Variants in IL6ST observed in about 807,000 individuals in gnomAD.
IL6ST encodes the protein interleukin 6 cytokine family signal transducer.
IL6ST carries 24 observed loss-of-function variants against 91.3 expected under a neutral mutation model. The observed-to-expected ratio is 0.26, with a 90% CI of 0.19 to 0.37. The LOEUF (loss-of-function observed/expected upper bound fraction) is 0.37, where lower values mean the gene tolerates loss of function less well. IL6ST is among the 10% of genes least tolerant of loss of function. The pLI, the probability that IL6ST is intolerant of heterozygous loss-of-function variation, is 1.00. For missense variants in IL6ST, 914 were observed against 1,078.5 expected (o/e 0.85, Z 2.14); for synonymous variants, 351 against 373.6 (o/e 0.94, Z 0.70).
chr5:55,938,913 T>C lies in IL6ST; in HGVS notation c.*2169A>G, dbSNP rs781029945. Reference sequence around the variant, plus strand: ...GGGGGTATATTCACTCACTGTACCATGTTTTATACAGGCTTCAACATGCAA... The same window carrying C: ...GGGGGTATATTCACTCACTGTACCACGTTTTATACAGGCTTCAACATGCAA... On this transcript the variant is annotated 3_prime_UTR_variant, in exon 17 of 17. Coordinates refer to ENST00000381298, the MANE Select transcript of IL6ST (RefSeq NM_002184.4). The C allele has an allele frequency of 1.5e-5, 3 of 203,486 alleles. No individual in the cohort carries two copies. Among genetic ancestry groups the C allele is most frequent in the Non-Finnish European group, 3.0e-5 (3 of 99,130 alleles). The allele number at this position is 203,486 out of a possible 1,614,324, so 12.6% of individuals were successfully genotyped here. A position where few individuals can be genotyped will look rare whatever the true frequency, so the allele number is the denominator to read the frequency against.
intron 3 of IL6ST, among the ~76,000 whole-genome samples, chr5:55,970,223 G>A (rs1230386339): frequency 1.3e-5 from 2 of 152,140 alleles, no homozygotes; most frequent in Admixed American, 6.6e-5. Flanking sequence ...CCAGAAAACA[G>A]GCAGTGGTGG....
At position 55,951,665 on chromosome 5, in the gene IL6ST, T is replaced by G. The variant is rs184737174; in HGVS notation, c.1700-61A>C. 4.5e-5 allele frequency: 67 copies of G among 1,489,488 alleles called. No homozygotes were observed. In the Admixed American group the frequency reaches 5.5e-4, roughly 12 times the overall value. The allele number at this position is 1,489,488 out of a possible 1,614,324, so 92.3% of individuals were successfully genotyped here. On this transcript the variant is annotated intron_variant, in intron 13 of 16. Coordinates refer to ENST00000381298, the MANE Select transcript of IL6ST (RefSeq NM_002184.4). ...TCAATGCTTTTGCTTATTTGGCCTA[T>G]ATTTGGCATTGTGAAAGTGTTAAAA...
chr5:55,983,455 T>C (rs1753780611), intron 1 of IL6ST, among the ~76,000 whole-genome samples: 1 of 152,334 alleles, frequency 6.6e-6, no homozygotes, highest in South Asian at 2.1e-4. Flanking sequence ...AAATTAAGCC[T>C]GCTAACAACT....
Position 55,958,541 on chromosome 5 carries a change from A to C in IL6ST, c.974-1250T>G, listed in dbSNP as rs116379575. Among the ~76,000 whole-genome samples, 480 of 152,254 alleles carry C rather than the reference A, an allele frequency of 3.2e-3. 6 individuals carry two copies. Among genetic ancestry groups the C allele is most frequent in the African/African-American group, 0.011 (465 of 41,562 alleles). Reference sequence around the variant, plus strand: ...AGTAGAATAAGACAGGAGTTGAATAAAATCTAAGCAGTAAGGCTGGGTGTG... The same window carrying C: ...AGTAGAATAAGACAGGAGTTGAATACAATCTAAGCAGTAAGGCTGGGTGTG... On this transcript the variant is annotated intron_variant, in intron 8 of 16. Coordinates refer to ENST00000381298, the MANE Select transcript of IL6ST (RefSeq NM_002184.4).
At chr5:55,947,754 C>G (rs1426867202) in intron 14 of IL6ST, among the ~76,000 whole-genome samples, 165 bp from the exon 15 acceptor site, 1 of 152,136 alleles carries the variant, frequency 6.6e-6, no homozygotes, top group Non-Finnish European at 1.5e-5. Flanking sequence ...GATTTTTACC[C>G]TCTTCTCTCT....
intron 8 of IL6ST, among the ~76,000 whole-genome samples, chr5:55,957,564 C>A (rs1339556171): frequency 6.6e-6 from 1 of 152,146 alleles, no homozygotes; most frequent in African/African-American, 2.4e-5. Context: ...AGAGGCATCA[C>A]TCTTTCTTAT....
chr5:55,939,269 C>A lies in IL6ST; in HGVS notation c.*1813G>T, dbSNP rs1750732236. Reference sequence around the variant, plus strand: ...CTTTACTTCTCTGTGCCTGATTTTCCTCATCTACTTTGAATTCGTCATTCT... The same window carrying A: ...CTTTACTTCTCTGTGCCTGATTTTCATCATCTACTTTGAATTCGTCATTCT... On this transcript the variant is annotated 3_prime_UTR_variant, in exon 17 of 17. Transcript: ENST00000381298. 1 of 211,504 alleles carries A rather than the reference C, an allele frequency of 4.7e-6. No homozygotes were observed. Among genetic ancestry groups the A allele is most frequent in the East Asian group, 7.1e-5 (1 of 14,090 alleles). 13.1% of individuals were successfully genotyped at this position (211,504 alleles called of 1,614,324 possible).
chr5:55,981,220 G>C (rs1198095535), intron 2 of IL6ST, among the ~76,000 whole-genome samples: 1 of 152,286 alleles, frequency 6.6e-6, no homozygotes, highest in East Asian at 1.9e-4. Context: ...GATTGTAATG[G>C]AGAGGTGATG....
chr5:55,981,225 G>A (rs1458406397), intron 2 of IL6ST, among the ~76,000 whole-genome samples: 1 of 152,184 alleles, frequency 6.6e-6, no homozygotes, highest in African/African-American at 2.4e-5. Context: ...TAATGGAGAG[G>A]TGATGAAGAA....
intron 11 of IL6ST, among the ~76,000 whole-genome samples, chr5:55,953,705 T>C (rs941561022): frequency 4.6e-5 from 7 of 152,226 alleles, no homozygotes; most frequent in Non-Finnish European, 8.8e-5. Flanking sequence ...AAAGTTTCTA[T>C]TGGCTCTGAG....
intron 15 of IL6ST, among the ~76,000 whole-genome samples, chr5:55,945,984 T>C (rs567894390): frequency 1.0e-3 from 158 of 152,258 alleles, no homozygotes; most frequent in African/African-American, 3.6e-3. Flanking sequence ...AAGCACAGAC[T>C]GGGACAAAAG....
At chr5:55,952,142 A>G in intron 12 of IL6ST, 67 bp from the exon 13 acceptor site, 1 of 1,537,848 alleles carries the variant, frequency 6.5e-7, no homozygotes, top group Non-Finnish European at 8.9e-7. Flanking sequence ...TCCTTGTCAT[A>G]AAATCATTTG....
intron 16 of IL6ST, among the ~76,000 whole-genome samples, chr5:55,942,446 T>C (rs1750978327): frequency 6.6e-6 from 1 of 152,196 alleles, no homozygotes; most frequent in Non-Finnish European, 1.5e-5. Context: ...AGAACAAATA[T>C]ACTATGATGG....
chr5:55,993,754 TCAG>T (rs1754466122), intron 1 of IL6ST, among the ~76,000 whole-genome samples: 2 of 152,196 alleles, frequency 1.3e-5, no homozygotes, highest in South Asian at 4.1e-4. Flanking sequence ...ATGTAATATT[TCAG>T]TTCATAGTTC....
intron 15 of IL6ST, among the ~76,000 whole-genome samples, chr5:55,943,967 A>G (rs1751079245): frequency 6.6e-6 from 1 of 151,980 alleles, no homozygotes. Context: ...AATCCCAGCT[A>G]CTCGGGTGGC....
intron 1 of IL6ST, among the ~76,000 whole-genome samples, chr5:55,993,847 C>G (rs974168396): frequency 6.6e-6 from 1 of 151,942 alleles, no homozygotes. Context: ...GATCTGAGTC[C>G]GTAATTTCAA....
chr5:55,976,239 T>C lies in IL6ST; in HGVS notation c.40A>G (p.Ile14Val), dbSNP rs1753281282. 6.3e-7 allele frequency: 1 copy of C among 1,586,662 alleles called. No individual in the cohort carries two copies. The change falls in exon 3 of 17, where the codon ATT becomes GTT. Residue 14 changes from isoleucine to valine, a missense_variant. Transcript: ENST00000381298. ...CCTGTAGATTCAGTGGTGAGGAAAA[T>C]AAACAAGGCTTGCACTAGCCAAGTC... ...LQTWLVQALFIFLTTESTGEL... is the reference protein window; with the variant it reads ...LQTWLVQALFVFLTTESTGEL...
intron 16 of IL6ST, 54 bp downstream of exon 16, chr5:55,942,616 A>T (rs948370841): frequency 1.1e-6 from 1 of 899,466 alleles, no homozygotes; most frequent in Non-Finnish European, 1.8e-6. Flanking sequence ...GATACTCAAT[A>T]TACCTACTAA....
At chr5:55,961,897 G>A (rs1752340363) in intron 7 of IL6ST, among the ~76,000 whole-genome samples, 1 of 152,116 alleles carries the variant, frequency 6.6e-6, no homozygotes, top group South Asian at 2.1e-4. Flanking sequence ...AGAAAGAATG[G>A]AAACCCACAG....
Sources: gnomAD v4.1 joint callset for allele counts (sites outside exome capture counted in the v4.1 genomes callset) on GRCh38, gnomAD v4.1.1 for gene constraint, MANE v1.5 for transcripts, NCBI Gene and HGNC (gene_info 2026-07-23, HGNC 2026-07-21) for gene names.